Variants in MCC observed in about 807,000 individuals in gnomAD.
The protein encoded by MCC is MCC regulator of Wnt signaling pathway, also known as colorectal mutant cancer protein.
Under a neutral mutation model 116.2 loss-of-function variants are expected in MCC, and 90 were observed. The observed-to-expected ratio is 0.77, with a 90% CI of 0.65 to 0.92. The LOEUF (loss-of-function observed/expected upper bound fraction) is 0.92. Ranked by LOEUF, MCC falls within the 40% of genes least tolerant of loss-of-function variation. The pLI is 0.00. For missense variants in MCC, 1,516 were observed against 1,312.2 expected (o/e 1.16, Z -2.40); for synonymous variants, 578 against 510.5 (o/e 1.13, Z -1.78).
Position 113,082,977 on chromosome 5 carries a change from T to C in MCC, c.1667A>G (p.His556Arg), listed in dbSNP as rs1754964148. The C allele has an allele frequency of 6.2e-7, 1 of 1,613,952 alleles. No homozygotes were observed. The highest frequency in any genetic ancestry group is 8.5e-7 in the Non-Finnish European group (1 of 1,179,966). ...GATATTGGAGCAGTCCTGAAGTGAGTGGGCCAGGTGTTCAGCCACACTGCT... is the reference window on the plus strand; with the variant it reads ...GATATTGGAGCAGTCCTGAAGTGAGCGGGCCAGGTGTTCAGCCACACTGCT... The part of the protein sequence containing the change: ...VSSSVAEHLA[H>R]SLQDCSNIQE... Residue 556 changes from histidine (H) to arginine (R), a missense_variant, in exon 11 of 19, where the codon CAC becomes CGC. Transcript: ENST00000408903.
At chr5:113,099,296 T>G (rs1359061152) in intron 8 of MCC, among the ~76,000 whole-genome samples, 1 of 152,178 alleles carries the variant, frequency 6.6e-6, no homozygotes, top group Admixed American at 6.5e-5. Flanking sequence ...GTAACAGATG[T>G]GACTGGAAGA....
At chr5:113,478,522 G>C (rs1234165108) in intron 1 of MCC, among the ~76,000 whole-genome samples, 1 of 152,184 alleles carries the variant, frequency 6.6e-6, no homozygotes, top group Non-Finnish European at 1.5e-5. Flanking sequence ...TACTGTAATG[G>C]AGAAAACTAA....
At chr5:113,305,048 TAA>T (rs1766953421) in intron 3 of MCC, among the ~76,000 whole-genome samples, 1 of 151,460 alleles carries the variant, frequency 6.6e-6, no homozygotes, top group African/African-American at 2.4e-5. Context: ...CTCATATACT[TAA>T]TAATAAAGGA....
intron 17 of MCC, among the ~76,000 whole-genome samples, chr5:113,032,345 T>A (rs1290711143): frequency 6.7e-6 from 1 of 149,300 alleles, no homozygotes; most frequent in Non-Finnish European, 1.5e-5. Context: ...GAGGTGGAGG[T>A]TGCAGTAAGC....
chr5:113,061,310 C>T (rs1753200662), intron 14 of MCC, among the ~76,000 whole-genome samples: 1 of 152,216 alleles, frequency 6.6e-6, no homozygotes, highest in South Asian at 2.1e-4. Flanking sequence ...CCTGTCTTGG[C>T]CACAGTTCCT....
At chr5:113,051,988 G>T (rs1295066226) in intron 15 of MCC, among the ~76,000 whole-genome samples, 1 of 152,074 alleles carries the variant, frequency 6.6e-6, no homozygotes, top group Non-Finnish European at 1.5e-5. Flanking sequence ...AAGTCATAGG[G>T]AACCAAGCCA....
intron 5 of MCC, among the ~76,000 whole-genome samples, chr5:113,128,720 G>T (rs1014215017): frequency 2.0e-5 from 3 of 152,178 alleles, no homozygotes; most frequent in Non-Finnish European, 4.4e-5. Context: ...GATTGATACA[G>T]ACCACACAGG....
chr5:113,136,519 A>T (rs545723084), intron 5 of MCC, among the ~76,000 whole-genome samples: 2 of 152,098 alleles, frequency 1.3e-5, no homozygotes, highest in South Asian at 4.3e-4. Flanking sequence ...AAGAATCAAA[A>T]TTTATTTATT....
chr5:113,348,377 C>T (rs1320592280), intron 2 of MCC, among the ~76,000 whole-genome samples: 1 of 151,902 alleles, frequency 6.6e-6, no homozygotes, highest in East Asian at 1.9e-4. Flanking sequence ...TCTTTGACCA[C>T]AAAGGAATAC....
intron 17 of MCC, among the ~76,000 whole-genome samples, chr5:113,034,908 CTA>C (rs1751229095): frequency 6.6e-6 from 1 of 152,346 alleles, no homozygotes; most frequent in South Asian, 2.1e-4. Context: ...TGCTCCCTTT[CTA>C]TACTCCATGA....
intron 3 of MCC, among the ~76,000 whole-genome samples, chr5:113,331,321 A>G (rs1260827998): frequency 6.6e-6 from 1 of 151,762 alleles, no homozygotes; most frequent in East Asian, 1.9e-4. Flanking sequence ...AGAGTGACTC[A>G]GCGTCCACTA....
chr5:113,258,606 T>C (rs1581329493), intron 3 of MCC, among the ~76,000 whole-genome samples: 1 of 152,198 alleles, frequency 6.6e-6, no homozygotes, highest in Non-Finnish European at 1.5e-5. Context: ...CCCAATACCA[T>C]CCGCCACCCC....
rs138381726 is a variant in MCC at position 113,285,748 on chromosome 5, A to G, written c.627+54771T>C. ...TTTTTCCTTTACAGCACATATCACC[A>G]CTGAACATTTGTGTACTGTCTATGT... is the stretch of plus-strand genomic sequence containing the variant. On this transcript the variant is annotated intron_variant, in intron 3 of 18. Transcript: ENST00000408903. 6.4e-4 allele frequency among the ~76,000 whole-genome samples: 97 copies of G among 152,212 alleles called. 1 individual carries two copies. In the East Asian group the frequency reaches 0.017, roughly 26 times the overall value.
At chr5:113,161,148 C>T (rs2150297317) in intron 3 of MCC, among the ~76,000 whole-genome samples, 1 of 152,168 alleles carries the variant, frequency 6.6e-6, no homozygotes, top group Non-Finnish European at 1.5e-5. Flanking sequence ...TGTGGTTATA[C>T]AAGGGTTTTT....
At chr5:113,359,474 A>G (rs770837375) in intron 2 of MCC, among the ~76,000 whole-genome samples, 2 of 152,236 alleles carry the variant, frequency 1.3e-5, no homozygotes, top group African/African-American at 2.4e-5. Flanking sequence ...AGCAGCTGCA[A>G]TAAACAGACT....
At position 113,068,103 on chromosome 5, in the gene MCC, G is replaced by A. The variant is rs769744769; in HGVS notation, c.2006C>T (p.Ala669Val). The A allele has an allele frequency of 4.3e-6, 7 of 1,614,006 alleles. No homozygotes were observed. Among genetic ancestry groups the A allele is most frequent in the East Asian group, 2.2e-5 (1 of 44,888 alleles). Reference protein sequence around the residue: ...EQSLILGQFRAAGVGSSPGDQ... With the variant: ...EQSLILGQFRVAGVGSSPGDQ... ...ACCAGGGGAGGACCCCACGCCCGCC[G>A]CTCGGAACTGCCCCAGGATGAGGCT... The change falls in exon 13 of 19, where the codon GCG (alanine) becomes GTG (valine). Residue 669 changes from alanine (A) to valine (V), a missense_variant. Physicochemically the swap from Ala to Val is moderately conservative, Grantham distance 64. Coordinates refer to ENST00000408903, the MANE Select transcript of MCC (RefSeq NM_001085377.2).
At chr5:113,451,131 T>C (rs958760693) in intron 1 of MCC, among the ~76,000 whole-genome samples, 2 of 152,168 alleles carry the variant, frequency 1.3e-5, no homozygotes, top group African/African-American at 4.8e-5. Flanking sequence ...TAAGAACCCA[T>C]AGCTGGTGGC....
At chr5:113,460,919 G>A (rs1176105862) in intron 1 of MCC, among the ~76,000 whole-genome samples, 3 of 152,188 alleles carry the variant, frequency 2.0e-5, no homozygotes, top group African/African-American at 7.2e-5. Flanking sequence ...AATTTGAGAA[G>A]TACTGGTTTA....
In MCC at chr5:113,053,155, C is replaced by T. The variant is rs1199257808; in HGVS notation, c.2448+570G>A. Among the ~76,000 whole-genome samples, 3 of 152,094 alleles carry T rather than the reference C, an allele frequency of 2.0e-5. No homozygotes were observed. The East Asian group carries it at 5.8e-4, about 29-fold the overall frequency. On this transcript the variant is annotated intron_variant, in intron 15 of 18. Coordinates refer to ENST00000408903, the MANE Select transcript of MCC (RefSeq NM_001085377.2). ...AAGAAAGCTCCCTTCTGTAGAAATA[C>T]CAGCAGGTAGGTATCTCCACTAGCA...
Sources: gnomAD v4.1 joint callset for allele counts (sites outside exome capture counted in the v4.1 genomes callset) on GRCh38, gnomAD v4.1.1 for gene constraint, MANE v1.5 for transcripts, NCBI Gene and HGNC (gene_info 2026-07-23, HGNC 2026-07-21) for gene names.